KCNK6: variants seen among roughly 807,000 people sequenced by gnomAD.
KCNK6 encodes the protein potassium channel subfamily K member 6.
Under a neutral mutation model 21.9 loss-of-function variants are expected in KCNK6, and 20 were observed. The ratio of observed to expected loss-of-function variants is 0.91; its 90% CI spans 0.64 to 1.32. The LOEUF (loss-of-function observed/expected upper bound fraction) is 1.32, where lower values mean the gene tolerates loss of function less well. KCNK6 is among the 40% of genes most tolerant of loss of function. The pLI, the probability that KCNK6 is intolerant of heterozygous loss-of-function variation, is 0.00. For synonymous variants in KCNK6, 210 were observed against 218.0 expected (o/e 0.96, Z 0.32); for missense variants, 415 against 433.1 (o/e 0.96, Z 0.37).
At chr19:38,321,765 C>T (rs1383196795) in intron 1 of KCNK6, among the ~76,000 whole-genome samples, 1 of 152,254 alleles carries the variant, frequency 6.6e-6, no homozygotes, top group African/African-American at 2.4e-5. Context: ...CTGGGTCTGC[C>T]CATGCTGCCA....
chr19:38,322,197 G>T (rs1215130086), intron 1 of KCNK6, among the ~76,000 whole-genome samples: 1 of 152,188 alleles, frequency 6.6e-6, no homozygotes, highest in East Asian at 1.9e-4. Context: ...AGGCCATCAG[G>T]CTCTAGAGTC....
In KCNK6 at chr19:38,327,313, C is replaced by T. The variant is rs375236784; in HGVS notation, c.852C>T (p.Asp284=). Residue 284 remains aspartate (D), a synonymous_variant, in exon 3 of 3, where the codon GAC becomes GAT. Transcript: ENST00000263372. ...PCPASFNADE[D]DRVDILGPQP... Reference sequence around the variant, plus strand: ...CTGCCAGTTTCAATGCGGATGAGGACGATCGGGTGGACATCCTGGGCCCCC... The same window carrying T: ...CTGCCAGTTTCAATGCGGATGAGGATGATCGGGTGGACATCCTGGGCCCCC... 18 of 1,613,336 alleles carry T rather than the reference C, an allele frequency of 1.1e-5. No homozygotes were observed. Among genetic ancestry groups the T allele is most frequent in the African/African-American group, 2.7e-5 (2 of 74,920 alleles).
intron 1 of KCNK6, among the ~76,000 whole-genome samples, chr19:38,321,689 G>C (rs532760469): frequency 1.1e-4 from 16 of 152,358 alleles, no homozygotes; most frequent in African/African-American, 3.8e-4. Context: ...GCCAACAATA[G>C]GGGGCAGCTT....
chr19:38,326,952 C>T lies in KCNK6; in HGVS notation c.682C>T (p.Gln228Ter), dbSNP rs1368587994. The T allele has an allele frequency of 3.7e-6, 6 of 1,606,758 alleles. No homozygotes were observed. The highest frequency in any genetic ancestry group is 5.1e-6 in the Non-Finnish European group (6 of 1,179,830). Reference sequence around the variant, plus strand: ...CTACGTGCCCGGGGAGGCCCCTGGCCAGCCCTACCGGGCCCTCTACAAGGT... The same window carrying T: ...CTACGTGCCCGGGGAGGCCCCTGGCTAGCCCTACCGGGCCCTCTACAAGGT... ...GDYVPGEAPG[Q>*]PYRALYKVLV... The change falls in exon 2 of 3, where the codon CAG becomes TAG. Residue 228 changes from glutamine to a stop codon, truncating the protein, a stop_gained. Transcript: ENST00000263372. LOFTEE classifies it high-confidence loss of function.
chr19:38,324,045 C>T (rs976868287), intron 1 of KCNK6, among the ~76,000 whole-genome samples: 4 of 152,158 alleles, frequency 2.6e-5, no homozygotes, highest in Non-Finnish European at 5.9e-5. Flanking sequence ...TCACAGGCCC[C>T]ATGCTTTTCA....
Position 38,327,413 on chromosome 19 carries a change from C to G in KCNK6, c.*10C>G. 1 of 1,603,656 alleles carries G rather than the reference C, an allele frequency of 6.2e-7. No individual in the cohort carries two copies. Among genetic ancestry groups the G allele is most frequent in the South Asian group, 1.1e-5 (1 of 90,958 alleles). Reference sequence around the variant, plus strand: ...TTCCATCCCCAGGTAGCTGGGGCAGCCTCTGCCAGGCTTGGGTGTGCCTGG... The same window carrying G: ...TTCCATCCCCAGGTAGCTGGGGCAGGCTCTGCCAGGCTTGGGTGTGCCTGG... On this transcript the variant is annotated 3_prime_UTR_variant, in exon 3 of 3. Transcript: ENST00000263372.
At position 38,326,850 on chromosome 19, in the gene KCNK6, C is replaced by T. The variant is rs1237230597; in HGVS notation, c.580C>T (p.His194Tyr). The change falls in exon 2 of 3, where the codon CAC (histidine) becomes TAC (tyrosine). Residue 194 changes from histidine to tyrosine, a missense_variant. Transcript: ENST00000263372. Reference protein sequence around the residue: ...CFLVPAVIFAHLEEAWSFLDA... With the variant: ...CFLVPAVIFAYLEEAWSFLDA... ...TCTGGTGCCGGCTGTGATCTTTGCC[C>T]ACCTCGAGGAGGCCTGGAGCTTCTT... is the stretch of plus-strand genomic sequence containing the variant. 1.2e-6 allele frequency: 2 copies of T among 1,611,276 alleles called. No individual in the cohort carries two copies. The highest frequency in any genetic ancestry group is 1.3e-5 in the African/African-American group (1 of 75,056).
In KCNK6 at chr19:38,326,805, G is replaced by T. The variant is rs774331675; in HGVS notation, c.535G>T (p.Val179Phe). 1.9e-6 allele frequency: 3 copies of T among 1,607,188 alleles called. No individual in the cohort carries two copies. The South Asian group carries it at 3.3e-5, about 18-fold the overall frequency. Residue 179 changes from valine to phenylalanine, a missense_variant, in exon 2 of 3, where the codon GTC (valine) becomes TTC (phenylalanine). By Grantham distance (50) the Val-to-Phe change is conservative. Coordinates refer to ENST00000263372, the MANE Select transcript of KCNK6 (RefSeq NM_004823.3). ...CTGGCACTTGGTGGCCCTGTTGGGG[G>T]TCGTAGTGACCGTCTGCTTTCTGGT... ...ACWHLVALLG[V>F]VVTVCFLVPA...
chr19:38,322,308 T>G (rs1568364839), intron 1 of KCNK6, among the ~76,000 whole-genome samples: 1 of 152,208 alleles, frequency 6.6e-6, no homozygotes, highest in African/African-American at 2.4e-5. Flanking sequence ...GGAAAGTTAT[T>G]GTGGTAGAGG....
rs746734041 is a variant in KCNK6 at position 38,319,991 on chromosome 19, A to T, written c.41A>T (p.Tyr14Phe). The T allele has an allele frequency of 1.7e-4, 248 of 1,476,170 alleles. No homozygotes were observed. The highest frequency in any genetic ancestry group is 1.8e-4 in the Non-Finnish European group (198 of 1,123,708). 91.4% of individuals were successfully genotyped at this position (1,476,170 alleles called of 1,614,324 possible). Reference protein sequence around the residue: ...GALLAGALAAYAAYLVLGALL... With the variant: ...GALLAGALAAFAAYLVLGALL... The stretch of plus-strand genomic sequence containing the variant: ...CTTCTGGCGGGCGCCTTGGCCGCGT[A>T]CGCCGCGTACCTGGTGCTGGGCGCG... The change falls in exon 1 of 3, where the codon TAC (tyrosine) becomes TTC (phenylalanine). Residue 14 changes from tyrosine (Y) to phenylalanine (F), a missense_variant. Transcript: ENST00000263372.
chr19:38,320,164 C>G lies in KCNK6; in HGVS notation c.214C>G (p.Leu72Val), dbSNP rs370299501. 311 of 1,596,666 alleles carry G rather than the reference C, an allele frequency of 1.9e-4. No homozygotes were observed. Among genetic ancestry groups the G allele is most frequent in the Non-Finnish European group, 2.2e-4 (261 of 1,178,230 alleles). The change falls in exon 1 of 3, where the codon CTG becomes GTG. Residue 72 changes from leucine (L) to valine (V), a missense_variant. Coordinates refer to ENST00000263372, the MANE Select transcript of KCNK6 (RefSeq NM_004823.3). ...GGAGCGAGTGCTGGCGGCCGGACGG[C>G]TGGGGCGGGTCGTGCTTGCTAACGC... is the stretch of plus-strand genomic sequence containing the variant. ...FVERVLAAGRLGRVVLANASG... is the reference protein window; with the variant it reads ...FVERVLAAGRVGRVVLANASG...
At chr19:38,321,204 A>T (rs1186114334) in intron 1 of KCNK6, among the ~76,000 whole-genome samples, 2 of 152,062 alleles carry the variant, frequency 1.3e-5, no homozygotes, top group Non-Finnish European at 2.9e-5. Flanking sequence ...CTCCCAACAG[A>T]GATTCCTCAG....
intron 1 of KCNK6, among the ~76,000 whole-genome samples, chr19:38,323,326 TG>T (rs1321880245): frequency 1.3e-5 from 2 of 152,208 alleles, no homozygotes; most frequent in East Asian, 3.9e-4. Flanking sequence ...GGTGAAGCCT[TG>T]AATGCATCTG....
Position 38,320,007 on chromosome 19 carries a change from G to T in KCNK6, c.57G>T (p.Val19=), listed in dbSNP as rs1208358418. The change falls in exon 1 of 3, where the codon GTG becomes GTT. Residue 19 remains valine (V), a synonymous_variant. Transcript: ENST00000263372. ...TGGCCGCGTACGCCGCGTACCTGGT[G>T]CTGGGCGCGCTGTTGGTGGCGCGGC... The part of the protein sequence containing the change: ...GALAAYAAYL[V]LGALLVARLE... 6.7e-7 allele frequency: 1 copy of T among 1,489,954 alleles called. No individual in the cohort carries two copies. The highest frequency in any genetic ancestry group is 8.9e-7 in the Non-Finnish European group (1 of 1,129,310). The allele number at this position is 1,489,954 out of a possible 1,614,324, so 92.3% of individuals were successfully genotyped here.
intron 1 of KCNK6, among the ~76,000 whole-genome samples, chr19:38,321,068 C>T (rs767640922): frequency 3.9e-5 from 6 of 152,174 alleles, no homozygotes; most frequent in African/African-American, 7.2e-5. Context: ...GTCTCCTGAC[C>T]CTCCAGATAT....
In KCNK6 at chr19:38,328,521, A is replaced by G. The variant is rs773375769; in HGVS notation, c.*1118A>G. ...CTGATTTTGTTTCCTTATCTGTAAA[A>G]TGGTGATCATCATAATACAACTTCA... On this transcript the variant is annotated 3_prime_UTR_variant, in exon 3 of 3. Coordinates refer to ENST00000263372, the MANE Select transcript of KCNK6 (RefSeq NM_004823.3). 4 of 152,272 alleles carry G rather than the reference A, an allele frequency of 2.6e-5. No individual in the cohort carries two copies. Among genetic ancestry groups the G allele is most frequent in the Non-Finnish European group, 5.9e-5 (4 of 68,076 alleles). 9.4% of individuals were successfully genotyped at this position (152,272 alleles called of 1,614,324 possible).
chr19:38,327,206 A>G lies in KCNK6; in HGVS notation c.745A>G (p.Met249Val), dbSNP rs1001314777. The stretch of plus-strand genomic sequence containing the variant: ...CTACCTCTTCCTGGGCCTGGTGGCC[A>G]TGGTGCTGGTGCTGCAGACCTTCCG... ...TVYLFLGLVA[M>V]VLVLQTFRHV... is the part of the protein sequence containing the mutation. The change falls in exon 3 of 3, where the codon ATG becomes GTG. Residue 249 changes from methionine to valine, a missense_variant. Coordinates refer to ENST00000263372, the MANE Select transcript of KCNK6 (RefSeq NM_004823.3). The G allele has an allele frequency of 6.2e-7, 1 of 1,613,098 alleles. No individual in the cohort carries two copies. The highest frequency in any genetic ancestry group is 1.1e-5 in the South Asian group (1 of 91,080).
At chr19:38,325,566 T>G in intron 1 of KCNK6, 1 of 981,640 alleles carries the variant, frequency 1.0e-6, no homozygotes, top group African/African-American at 1.7e-5. Flanking sequence ...ACTGGCAGCC[T>G]ATGAGAAGAC....
intron 1 of KCNK6, 78 bp downstream of exon 1, chr19:38,320,350 C>T: frequency 6.9e-7 from 1 of 1,443,946 alleles, no homozygotes; most frequent in Non-Finnish European, 9.5e-7. Context: ...ACCCCGGGGC[C>T]CTCACGAATA....
Sources: gnomAD v4.1 joint callset for allele counts (sites outside exome capture counted in the v4.1 genomes callset) on GRCh38, gnomAD v4.1.1 for gene constraint, MANE v1.5 for transcripts, NCBI Gene and HGNC (gene_info 2026-07-23, HGNC 2026-07-21) for gene names.